The following DNAJC14 variants were observed in gnomAD, a reference collection of about 807,000 sequenced individuals.
The protein encoded by DNAJC14 is dnaJ homolog subfamily C member 14.
In DNAJC14, 12 loss-of-function variants were observed where a neutral mutation model predicts 68.8. That is an observed-to-expected ratio of 0.17 (90% confidence interval 0.11 to 0.28). DNAJC14 has a LOEUF of 0.28. DNAJC14 is among the 10% of genes least tolerant of loss of function. The pLI is 1.00. For missense variants in DNAJC14, 764 were observed against 875.6 expected (o/e 0.87, Z 1.61); for synonymous variants, 350 against 321.5 (o/e 1.09, Z -0.95).
At chr12:55,827,060 G>A (rs866656931) in intron 2 of DNAJC14, among the ~76,000 whole-genome samples, 192 bp downstream of exon 2, 3 of 150,030 alleles carry the variant, frequency 2.0e-5, no homozygotes, top group Middle Eastern at 3.6e-3. Flanking sequence ...GCATGGTGGC[G>A]CGCACCTGTA....
In DNAJC14 at chr12:55,821,134, C is replaced by G. The variant is rs993690392; in HGVS notation, c.*843G>C. On this transcript the variant is annotated 3_prime_UTR_variant, in exon 7 of 7. Transcript: ENST00000678005. ...CGTATTCTTCCCCCTCACCCAAGGGCAGTGGGCATGAATCTACTTTTTAAA... is the reference window on the plus strand; with the variant it reads ...CGTATTCTTCCCCCTCACCCAAGGGGAGTGGGCATGAATCTACTTTTTAAA... 6.6e-6 allele frequency: 1 copy of G among 152,620 alleles called. No individual in the cohort carries two copies. The highest frequency in any genetic ancestry group is 2.1e-4 in the South Asian group (1 of 4,832). The allele number at this position is 152,620 out of a possible 1,614,324, so 9.5% of individuals were successfully genotyped here. A position where few individuals can be genotyped will look rare whatever the true frequency, so the allele number is the denominator to read the frequency against.
chr12:55,822,813 A>G, intron 4 of DNAJC14, 81 bp from the exon 5 acceptor site: 1 of 1,543,124 alleles, frequency 6.5e-7, no homozygotes, highest in African/African-American at 1.4e-5. Flanking sequence ...CATTATTCAC[A>G]AATAGGGCTG....
intron 2 of DNAJC14, among the ~76,000 whole-genome samples, 154 bp from the exon 3 acceptor site, chr12:55,823,662 T>A (rs189990695): frequency 5.3e-5 from 8 of 152,036 alleles, no homozygotes; most frequent in Non-Finnish European, 2.9e-5. Flanking sequence ...CTGGTTCAAT[T>A]CATGGCTCTG....
chr12:55,822,357 C>G lies in DNAJC14; in HGVS notation c.1898+16G>C. On this transcript the variant is annotated intron_variant, in intron 6 of 6. Coordinates refer to ENST00000678005, the MANE Select transcript of DNAJC14 (RefSeq NM_032364.6). ...ACTGAAATAGTGGATAGATTATTGACAGAAATACCACCTACCTCTGCCGCC... is the reference window on the plus strand; with the variant it reads ...ACTGAAATAGTGGATAGATTATTGAGAGAAATACCACCTACCTCTGCCGCC... 6.2e-7 allele frequency: 1 copy of G among 1,608,618 alleles called. No individual in the cohort carries two copies. The highest frequency in any genetic ancestry group is 8.5e-7 in the Non-Finnish European group (1 of 1,178,634).
chr12:55,823,800 G>C (rs1880729731), intron 2 of DNAJC14, among the ~76,000 whole-genome samples: 1 of 150,192 alleles, frequency 6.7e-6, no homozygotes, highest in South Asian at 2.1e-4. Context: ...CACCTCCCAG[G>C]TTCTAGCAAT....
rs748904743 is a variant in DNAJC14 at position 55,828,339 on chromosome 12, A to T, written c.320T>A (p.Leu107His). Reference protein sequence around the residue: ...SEEESGVDQELSKENETGNQK... With the variant: ...SEEESGVDQEHSKENETGNQK... ...GTTCCCAGTCTCGTTTTCTTTTGAG[A>T]GTTCCTGGTCCACTCCTGATTCTTC... Residue 107 changes from leucine to histidine, a missense_variant, in exon 2 of 7, where the codon CTC becomes CAC. Leu to His is a moderately conservative substitution (Grantham distance 99, BLOSUM62 -3). Transcript: ENST00000678005. The T allele has an allele frequency of 7.4e-6, 12 of 1,613,554 alleles. No homozygotes were observed. Among genetic ancestry groups the T allele is most frequent in the Non-Finnish European group, 5.1e-6 (6 of 1,179,916 alleles).
chr12:55,822,438 A>T lies in DNAJC14; in HGVS notation c.1833T>A (p.Asp611Glu). The T allele has an allele frequency of 6.2e-7, 1 of 1,613,890 alleles. No individual in the cohort carries two copies. The highest frequency in any genetic ancestry group is 1.7e-5 in the Admixed American group (1 of 60,026). ...AGCQRVGISP[D>E]THRVPYHISF... ...AGATGTGATAGGGGACTCTGTGGGT[A>T]TCTGGGGAGATACCTACACGCTGGC... The change falls in exon 6 of 7, where the codon GAT becomes GAA. Residue 611 changes from aspartate (D) to glutamate (E), a missense_variant. Physicochemically the swap from Asp to Glu is conservative, Grantham distance 45. Coordinates refer to ENST00000678005, the MANE Select transcript of DNAJC14 (RefSeq NM_032364.6).
At chr12:55,825,700 C>T (rs1183254263) in intron 2 of DNAJC14, among the ~76,000 whole-genome samples, 4 of 151,988 alleles carry the variant, frequency 2.6e-5, no homozygotes, top group African/African-American at 7.2e-5. Context: ...CCCGCCACCA[C>T]ACCCGGCTAA....
chr12:55,826,527 C>G (rs1880798989), intron 2 of DNAJC14, among the ~76,000 whole-genome samples: 1 of 152,080 alleles, frequency 6.6e-6, no homozygotes, highest in Non-Finnish European at 1.5e-5. Flanking sequence ...ACCAGCTGGG[C>G]ACAGTGGCTC....
chr12:55,823,481 G>A lies in DNAJC14; in HGVS notation c.1435C>T (p.Arg479Trp). 5.6e-6 allele frequency: 9 copies of A among 1,614,042 alleles called. No homozygotes were observed. The highest frequency in any genetic ancestry group is 1.1e-5 in the South Asian group (1 of 91,086). The change falls in exon 3 of 7, where the codon CGG becomes TGG. Residue 479 changes from arginine to tryptophan, a missense_variant. Physicochemically the swap from Arg to Trp is moderately radical, Grantham distance 101. This residue lies in a region of DNAJC14 where 110 missense variants were observed against 162.7 expected (regional missense o/e 0.68). Coordinates refer to ENST00000678005, the MANE Select transcript of DNAJC14 (RefSeq NM_032364.6). ...MVHPDKNHHP[R>W]AEEAFKVLRA... ...AAAACCTTGAAGGCCTCCTCAGCCC[G>A]GGGATGATGATTTTTGTCAGGATGA...
At chr12:55,824,885 C>T (rs770421357) in intron 2 of DNAJC14, among the ~76,000 whole-genome samples, 1 of 152,118 alleles carries the variant, frequency 6.6e-6, no homozygotes, top group Non-Finnish European at 1.5e-5. Context: ...AATCCCAGCA[C>T]TCTGGGAGGC....
upstream of DNAJC14, chr12:55,829,679 G>A: frequency 1.1e-6 from 1 of 924,352 alleles, no homozygotes; most frequent in Non-Finnish European, 1.3e-6. Flanking sequence ...AAAAGAAATA[G>A]CGGTTGGCTG....
intron 2 of DNAJC14, among the ~76,000 whole-genome samples, 163 bp downstream of exon 2, chr12:55,827,089 G>A (rs889277302): frequency 6.6e-6 from 1 of 151,528 alleles, no homozygotes; most frequent in African/African-American, 2.4e-5. Context: ...TACTCAGGAG[G>A]CTGAGGCAGG....
intron 2 of DNAJC14, among the ~76,000 whole-genome samples, chr12:55,825,113 G>A (rs1194668750): frequency 6.8e-6 from 1 of 147,468 alleles, no homozygotes; most frequent in Non-Finnish European, 1.5e-5. Context: ...CTGGGGAACT[G>A]GAGTGAGACC....
In DNAJC14 at chr12:55,822,091, T is replaced by C; in HGVS notation, c.1995A>G (p.Ala665=). 6.2e-7 allele frequency: 1 copy of C among 1,614,014 alleles called. No individual in the cohort carries two copies. Among genetic ancestry groups the C allele is most frequent in the Non-Finnish European group, 8.5e-7 (1 of 1,179,974 alleles). ...PGQMPNGNFF[A]APQPAPGAAA... is the part of the protein sequence containing the mutation. ...CGGCTCCAGGGGCAGGCTGAGGAGC[T>C]GCAAAGAAGTTCCCATTGGGCATCT... The change falls in exon 7 of 7, where the codon GCA becomes GCG. Residue 665 remains alanine (A), a synonymous_variant. Coordinates refer to ENST00000678005, the MANE Select transcript of DNAJC14 (RefSeq NM_032364.6).
chr12:55,824,887 C>G (rs1429493321), intron 2 of DNAJC14, among the ~76,000 whole-genome samples: 1 of 151,974 alleles, frequency 6.6e-6, no homozygotes, highest in East Asian at 1.9e-4. Context: ...TCCCAGCACT[C>G]TGGGAGGCCG....
chr12:55,824,235 G>A (rs567852844), intron 2 of DNAJC14, among the ~76,000 whole-genome samples: 1 of 152,186 alleles, frequency 6.6e-6, no homozygotes, highest in African/African-American at 2.4e-5. Context: ...GCACACACAT[G>A]TATCAGTCAT....
Position 55,827,237 on chromosome 12 carries a change from CAGAA to C in DNAJC14, c.1407+11_1407+14del. 7.2e-7 allele frequency: 1 copy of C among 1,397,064 alleles called. No individual in the cohort carries two copies. The highest frequency in any genetic ancestry group is 9.3e-7 in the Non-Finnish European group (1 of 1,069,556). 86.5% of individuals were successfully genotyped at this position (1,397,064 alleles called of 1,614,324 possible). A position where few individuals can be genotyped will look rare whatever the true frequency, so the allele number is the denominator to read the frequency against. On this transcript the variant is annotated intron_variant, in intron 2 of 6. Coordinates refer to ENST00000678005, the MANE Select transcript of DNAJC14 (RefSeq NM_032364.6). ...GGGAACAAAAGAGAGAAACAGGAAA[CAGAA>C]GGGTACTCACCATCACTGCCAGCTG...
intron 2 of DNAJC14, 21 bp downstream of exon 2, chr12:55,827,231 A>C: frequency 7.1e-7 from 1 of 1,405,880 alleles, no homozygotes; most frequent in East Asian, 2.5e-5. Flanking sequence ...AGAGAGAAAC[A>C]GGAAACAGAA....
Sources: allele counts gnomAD v4.1 joint callset (sites outside exome capture counted in the v4.1 genomes callset), GRCh38; gene constraint gnomAD v4.1.1; regional missense constraint gnomAD v4.1.1; transcripts MANE v1.5; gene names NCBI Gene and HGNC (gene_info 2026-07-23, HGNC 2026-07-21).